Variants in TMCC3 observed in about 807,000 individuals in gnomAD.
The protein encoded by TMCC3 is transmembrane and coiled-coil domain family 3, also known as transmembrane and coiled-coil domain protein 3.
Under a neutral mutation model 40.2 loss-of-function variants are expected in TMCC3, and 28 were observed. The ratio of observed to expected loss-of-function variants is 0.70; its 90% CI spans 0.52 to 0.95. The LOEUF (loss-of-function observed/expected upper bound fraction) is 0.95, where lower values mean the gene tolerates loss of function less well. Among genes scored for constraint, TMCC3 ranks in the 40% least tolerant of loss-of-function variants. The pLI is 0.00. For synonymous variants in TMCC3, 255 were observed against 248.5 expected, an observed-to-expected ratio of 1.03 and a Z score of -0.25; for missense variants, 554 against 615.2, an observed-to-expected ratio of 0.90 and a Z score of 1.05.
At chr12:94,634,115 T>C (rs2068947878) in intron 1 of TMCC3, among the ~76,000 whole-genome samples, 1 of 152,032 alleles carries the variant, frequency 6.6e-6, no homozygotes, top group Admixed American at 6.6e-5. Flanking sequence ...AGCTAATGTT[T>C]TGTATTTTTA....
intron 1 of TMCC3, among the ~76,000 whole-genome samples, chr12:94,596,271 G>A (rs927476516): frequency 4.6e-5 from 7 of 152,154 alleles, no homozygotes; most frequent in African/African-American, 1.7e-4. Flanking sequence ...AGATTTGAAA[G>A]GGGGAGGCAT....
At chr12:94,599,928 G>A (rs1222639911) in intron 1 of TMCC3, among the ~76,000 whole-genome samples, 1 of 152,154 alleles carries the variant, frequency 6.6e-6, no homozygotes, top group Non-Finnish European at 1.5e-5. Flanking sequence ...AGTGGCATGT[G>A]CCTGTAGCCC....
chr12:94,635,201 C>T (rs564463917), intron 1 of TMCC3, among the ~76,000 whole-genome samples: 1 of 152,260 alleles, frequency 6.6e-6, no homozygotes, highest in South Asian at 2.1e-4. Context: ...AGTGACAAAC[C>T]AACTTAAATT....
intron 1 of TMCC3, among the ~76,000 whole-genome samples, chr12:94,589,921 C>T (rs566950462): frequency 3.3e-5 from 5 of 152,242 alleles, no homozygotes; most frequent in Admixed American, 3.3e-4. Flanking sequence ...GCCCCAGATC[C>T]CGCGAGAACC....
chr12:94,635,660 G>GTTTTTTTTT (rs63480462), intron 1 of TMCC3, among the ~76,000 whole-genome samples: 1 of 89,294 alleles, frequency 1.1e-5, no homozygotes, highest in East Asian at 3.4e-4. Context: ...GTGTATGTGG[G>GTTTTTTTTT]TTTTTTTTTT....
At chr12:94,633,001 G>T (rs952255434) in intron 1 of TMCC3, among the ~76,000 whole-genome samples, 2 of 152,150 alleles carry the variant, frequency 1.3e-5, no homozygotes, top group African/African-American at 2.4e-5. Flanking sequence ...CGTTACTTGG[G>T]AGGCTGAGGC....
intron 1 of TMCC3, chr12:94,610,163 T>C (rs951727072): frequency 1.3e-5 from 2 of 152,182 alleles, no homozygotes; most frequent in African/African-American, 2.4e-5. Context: ...CCCATCCAAA[T>C]AGATTATCAT....
rs541196802 is a variant in TMCC3, at chr12:94,650,199, T to C, written c.78+154A>G. ...CCGACGCCCCCGACGCCCACCCTTT[T>C]AGCTCGGAGGATCGGGGAGGCACGG... On this transcript the variant is annotated intron_variant, in intron 1 of 3. Transcript: ENST00000261226. Among the ~76,000 whole-genome samples, 980 of 151,944 alleles carry C rather than the reference T, an allele frequency of 6.4e-3. 9 individuals carry two copies. Among genetic ancestry groups the C allele is most frequent in the African/African-American group, 0.021 (892 of 41,500 alleles).
At chr12:94,573,189 A>C (rs1161965473) in intron 3 of TMCC3, among the ~76,000 whole-genome samples, 1 of 151,198 alleles carries the variant, frequency 6.6e-6, no homozygotes, top group Non-Finnish European at 1.5e-5. Context: ...TCATACCAGA[A>C]GCCTAACGGG....
At chr12:94,593,469 G>T (rs2068696089) in intron 1 of TMCC3, among the ~76,000 whole-genome samples, 1 of 144,598 alleles carries the variant, frequency 6.9e-6, no homozygotes, top group African/African-American at 2.6e-5. Flanking sequence ...AGAAGAAGAA[G>T]AAGAAGAATT....
At chr12:94,610,799 T>C (rs1003908832) in intron 1 of TMCC3, among the ~76,000 whole-genome samples, 1 of 151,894 alleles carries the variant, frequency 6.6e-6, no homozygotes, top group African/African-American at 2.4e-5. Context: ...AAACGAGGGG[T>C]GGAGGGATTT....
intron 1 of TMCC3, among the ~76,000 whole-genome samples, chr12:94,650,103 G>A (rs973190356): frequency 9.2e-5 from 14 of 152,110 alleles, no homozygotes; most frequent in East Asian, 7.7e-4. Context: ...CGGGCGTCCC[G>A]CATAGCGCGC....
At chr12:94,582,690 G>A in intron 1 of TMCC3, 152 bp from the exon 2 acceptor site, 1 of 681,618 alleles carries the variant, frequency 1.5e-6, no homozygotes, top group Non-Finnish European at 2.4e-6. Flanking sequence ...GTCCCCTCCA[G>A]TTGAACATAG....
At chr12:94,572,306 C>CTTTTTTTT (rs527894810) in intron 3 of TMCC3, among the ~76,000 whole-genome samples, 1 of 50,636 alleles carries the variant, frequency 2.0e-5, no homozygotes, top group Non-Finnish European at 3.8e-5. Flanking sequence ...CCGACTTCAT[C>CTTTTTTTT]TTTTTTTTTT....
At chr12:94,619,106 T>G (rs1439938568) in intron 1 of TMCC3, among the ~76,000 whole-genome samples, 4 of 152,138 alleles carry the variant, frequency 2.6e-5, no homozygotes, top group African/African-American at 9.7e-5. Context: ...AACATGACTT[T>G]GACATATGCA....
At chr12:94,605,899 C>T (rs1278214247) in intron 1 of TMCC3, among the ~76,000 whole-genome samples, 1 of 152,150 alleles carries the variant, frequency 6.6e-6, no homozygotes, top group Non-Finnish European at 1.5e-5. Flanking sequence ...CCCAGATTCT[C>T]CTGAATGCAG....
chr12:94,629,808 ATCT>A (rs2068922967), intron 1 of TMCC3, among the ~76,000 whole-genome samples: 1 of 152,246 alleles, frequency 6.6e-6, no homozygotes, highest in Non-Finnish European at 1.5e-5. Flanking sequence ...AATGTGATTT[ATCT>A]TCTTTTCAGG....
intron 1 of TMCC3, among the ~76,000 whole-genome samples, chr12:94,612,866 T>C (rs867438416): frequency 1.5e-4 from 23 of 152,210 alleles, no homozygotes; most frequent in South Asian, 2.1e-4. Flanking sequence ...CTGTTTGGCA[T>C]TTGAGCATGT....
At chr12:94,583,172 C>T (rs1218153343) in intron 1 of TMCC3, among the ~76,000 whole-genome samples, 1 of 149,276 alleles carries the variant, frequency 6.7e-6, no homozygotes, top group African/African-American at 2.5e-5. Flanking sequence ...CCTCAAACCA[C>T]ACCACAGTGA....
Sources: gnomAD v4.1 joint callset for allele counts (sites outside exome capture counted in the v4.1 genomes callset) on GRCh38, gnomAD v4.1.1 for gene constraint, MANE v1.5 for transcripts, NCBI Gene and HGNC (gene_info 2026-07-23, HGNC 2026-07-21) for gene names.